Variants in CRYBG3 observed in about 807,000 individuals in gnomAD.
The protein encoded by CRYBG3 is very large A-kinase anchor protein.
In CRYBG3, 127 loss-of-function variants were observed where a neutral mutation model predicts 244.2. The observed-to-expected ratio is 0.52, with a 90% CI of 0.45 to 0.60. The LOEUF (loss-of-function observed/expected upper bound fraction) is 0.60, where lower values mean the gene tolerates loss of function less well. Ranked by LOEUF, CRYBG3 falls within the 20% of genes least tolerant of loss-of-function variation. CRYBG3 has a pLI of 0.00. For synonymous variants in CRYBG3, 1,132 were observed against 1,195.8 expected (o/e 0.95, Z 1.10); for missense variants, 3,325 against 3,442.5 (o/e 0.97, Z 0.85).
chr3:97,841,269 T>C (rs1350337879), intron 1 of CRYBG3, among the ~76,000 whole-genome samples: 1 of 148,100 alleles, frequency 6.8e-6, no homozygotes, highest in Non-Finnish European at 1.5e-5. Context: ...TGTATACACA[T>C]ATATGTACAT....
intron 15 of CRYBG3, among the ~76,000 whole-genome samples, chr3:97,910,114 T>G (rs943152746): frequency 6.6e-6 from 1 of 151,612 alleles, no homozygotes; most frequent in African/African-American, 2.4e-5. Flanking sequence ...TTCTCAGATC[T>G]CCAGCTGCGT....
chr3:97,870,332 C>G (rs570613324), intron 3 of CRYBG3, among the ~76,000 whole-genome samples: 1 of 152,188 alleles, frequency 6.6e-6, no homozygotes, highest in East Asian at 1.9e-4. Flanking sequence ...GTTTATTGTT[C>G]CCTTCTTTGG....
At position 97,872,304 on chromosome 3, in the gene CRYBG3, G is replaced by A. The variant is rs933373330; in HGVS notation, c.1110G>A (p.Pro370=). Residue 370 remains proline (P), a synonymous_variant, in exon 4 of 22, where the codon CCG becomes CCA. Coordinates refer to ENST00000389622, the MANE Select transcript of CRYBG3 (RefSeq NM_153605.4). The part of the protein sequence containing the change: ...SDSQHHLSCE[P]VSQTNRNLVC... Reference sequence around the variant, plus strand: ...CACAGCACCATTTAAGTTGTGAACCGGTTTCTCAGACTAACAGAAATTTGG... The same window carrying A: ...CACAGCACCATTTAAGTTGTGAACCAGTTTCTCAGACTAACAGAAATTTGG... 12 of 1,535,814 alleles carry A rather than the reference G, an allele frequency of 7.8e-6. No homozygotes were observed. Among genetic ancestry groups the A allele is most frequent in the Middle Eastern group, 1.7e-4 (1 of 5,990 alleles).
intron 4 of CRYBG3, among the ~76,000 whole-genome samples, chr3:97,879,141 A>C (rs1322463027): frequency 3.3e-5 from 5 of 152,032 alleles, no homozygotes; most frequent in Non-Finnish European, 7.4e-5. Context: ...GCACCTCTTA[A>C]CTCTGCATTA....
intron 1 of CRYBG3, among the ~76,000 whole-genome samples, chr3:97,834,498 A>G (rs2038702656): frequency 6.6e-6 from 1 of 152,152 alleles, no homozygotes; most frequent in South Asian, 2.1e-4. Context: ...TCTTGTAACT[A>G]CTATGCTTCT....
chr3:97,880,239 T>C (rs1576541264), intron 6 of CRYBG3, 139 bp downstream of exon 6: 2 of 564,454 alleles, frequency 3.5e-6, no homozygotes, highest in East Asian at 5.8e-5. Context: ...TGAAACATTA[T>C]TATTAGTGTG....
In CRYBG3 at chr3:97,875,153, T is replaced by G. The variant is rs1449097514; in HGVS notation, c.3959T>G (p.Leu1320Trp). 4.6e-6 allele frequency: 7 copies of G among 1,535,280 alleles called. No individual in the cohort carries two copies. The highest frequency in any genetic ancestry group is 6.1e-6 in the Non-Finnish European group (7 of 1,146,438). The change falls in exon 4 of 22, where the codon TTG becomes TGG. Residue 1320 changes from leucine to tryptophan, a missense_variant. Leu to Trp is a moderately conservative substitution (Grantham distance 61, BLOSUM62 -2). Around this residue, in one of 4 missense-constraint regions of CRYBG3, gnomAD observed 635 missense variants for 771.7 expected, o/e 0.82. Coordinates refer to ENST00000389622, the MANE Select transcript of CRYBG3 (RefSeq NM_153605.4). ...NEIIYVAQEK[L>W]RNDTFEDTED... Reference sequence around the variant, plus strand: ...ATTATTTATGTAGCCCAAGAAAAATTGAGAAATGATACTTTTGAAGATACT... The same window carrying G: ...ATTATTTATGTAGCCCAAGAAAAATGGAGAAATGATACTTTTGAAGATACT...
chr3:97,850,435 CTT>C (rs1475556954), intron 2 of CRYBG3, among the ~76,000 whole-genome samples: 1 of 152,120 alleles, frequency 6.6e-6, no homozygotes, highest in Non-Finnish European at 1.5e-5. Context: ...CCAGATATAA[CTT>C]TAATTCTATA....
chr3:97,915,109 A>G (rs1393078877), intron 16 of CRYBG3, among the ~76,000 whole-genome samples: 1 of 152,162 alleles, frequency 6.6e-6, no homozygotes, highest in Non-Finnish European at 1.5e-5. Flanking sequence ...ACTCATCTAA[A>G]CTGAATACAA....
chr3:97,823,539 T>C (rs1243453133), intron 1 of CRYBG3, among the ~76,000 whole-genome samples: 1 of 152,254 alleles, frequency 6.6e-6, no homozygotes, highest in Admixed American at 6.5e-5. Flanking sequence ...GTGGTTATTC[T>C]CCTGGGACGT....
intron 4 of CRYBG3, among the ~76,000 whole-genome samples, chr3:97,878,782 C>T (rs905550557): frequency 7.2e-5 from 11 of 152,088 alleles, no homozygotes; most frequent in African/African-American, 2.7e-4. Flanking sequence ...GTTCATGCAA[C>T]GCAGGGCAGT....
At chr3:97,942,952 C>A (rs1405294989) in intron 21 of CRYBG3, 1 of 360,114 alleles carries the variant, frequency 2.8e-6, no homozygotes, top group Non-Finnish European at 4.9e-6. Flanking sequence ...AGAGTTCTCT[C>A]AAGAGCACTT....
At chr3:97,880,532 G>T (rs2039432540) in intron 6 of CRYBG3, among the ~76,000 whole-genome samples, 1 of 152,176 alleles carries the variant, frequency 6.6e-6, no homozygotes, top group Non-Finnish European at 1.5e-5. Flanking sequence ...TCTTTGTATG[G>T]TCTAAAAATG....
At position 97,936,781 on chromosome 3, in the gene CRYBG3, A is replaced by G; in HGVS notation, c.8382-4A>G. ...CACTACTTTTTTCTTTCTTGTTCTC[A>G]TAGATGGATAGCTTATGAAGGATCC... On this transcript the variant is annotated splice_polypyrimidine_tract_variant and splice_region_variant and intron_variant, in intron 18 of 21. Coordinates refer to ENST00000389622, the MANE Select transcript of CRYBG3 (RefSeq NM_153605.4). 6.2e-7 allele frequency: 1 copy of G among 1,610,878 alleles called. No individual in the cohort carries two copies. Among genetic ancestry groups the G allele is most frequent in the Non-Finnish European group, 8.5e-7 (1 of 1,178,606 alleles).
intron 16 of CRYBG3, 83 bp downstream of exon 16, chr3:97,912,359 C>A: frequency 1.7e-6 from 1 of 600,230 alleles, no homozygotes; most frequent in South Asian, 3.2e-5. Context: ...TTTGCATGCA[C>A]AGTGAATCCT....
At chr3:97,852,361 C>T (rs1275121177) in intron 2 of CRYBG3, among the ~76,000 whole-genome samples, 2 of 152,116 alleles carry the variant, frequency 1.3e-5, no homozygotes, top group African/African-American at 2.4e-5. Flanking sequence ...ATTCTGCAGA[C>T]ACATCATATA....
At chr3:97,904,327 A>G (rs187508525) in intron 15 of CRYBG3, among the ~76,000 whole-genome samples, 5 of 152,292 alleles carry the variant, frequency 3.3e-5, no homozygotes, top group Non-Finnish European at 7.4e-5. Flanking sequence ...AACTCAGATA[A>G]GCATTTAACC....
At position 97,898,987 on chromosome 3, in the gene CRYBG3, T is replaced by C. The variant is rs775147559; in HGVS notation, c.7806T>C (p.Phe2602=). 20 of 1,613,126 alleles carry C rather than the reference T, an allele frequency of 1.2e-5. No homozygotes were observed. Among genetic ancestry groups the C allele is most frequent in the Non-Finnish European group, 1.7e-5 (20 of 1,179,650 alleles). The change falls in exon 13 of 22, where the codon TTT becomes TTC. Residue 2602 remains phenylalanine, a synonymous_variant. Coordinates refer to ENST00000389622, the MANE Select transcript of CRYBG3 (RefSeq NM_153605.4). ...QEISDLEEIG[F]GSKTRSIHVK... is the part of the protein sequence containing the mutation. ...TTTCTGATTTGGAAGAAATTGGCTT[T>C]GGCAGTAAAACAAGATCCATTCATG...
In CRYBG3 at chr3:97,872,673, C is replaced by G; in HGVS notation, c.1479C>G (p.Ile493Met). 1 of 1,535,870 alleles carries G rather than the reference C, an allele frequency of 6.5e-7. No individual in the cohort carries two copies. Among genetic ancestry groups the G allele is most frequent in the Non-Finnish European group, 8.7e-7 (1 of 1,146,736 alleles). The change falls in exon 4 of 22, where the codon ATC (isoleucine) becomes ATG (methionine). Residue 493 changes from isoleucine (I) to methionine (M), a missense_variant. Transcript: ENST00000389622. ...SSKQAATHTN[I>M]IALQRHAVTD... ...AGCAAGCTGCCACTCACACCAATATCATTGCTCTTCAGAGACATGCTGTGA... is the reference window on the plus strand; with the variant it reads ...AGCAAGCTGCCACTCACACCAATATGATTGCTCTTCAGAGACATGCTGTGA...
Sources: gnomAD v4.1 joint callset for allele counts (sites outside exome capture counted in the v4.1 genomes callset) on GRCh38, gnomAD v4.1.1 for gene constraint, gnomAD v4.1.1 regional missense constraint, MANE v1.5 for transcripts, NCBI Gene and HGNC (gene_info 2026-07-23, HGNC 2026-07-21) for gene names.